The following DENND4C variants were observed in gnomAD, a reference collection of about 807,000 sequenced individuals.
The protein encoded by DENND4C is DENN domain containing 4C, also known as DENN domain-containing protein 4C.
A neutral mutation model predicts 203.0 loss-of-function variants in DENND4C; 108 were observed. The ratio of observed to expected loss-of-function variants is 0.53; its 90% CI spans 0.46 to 0.62. DENND4C has a LOEUF of 0.62. DENND4C is among the 20% of genes least tolerant of loss of function. The pLI is 0.00. For synonymous variants in DENND4C, 871 were observed against 792.4 expected, an observed-to-expected ratio of 1.10 and a Z score of -1.67; for missense variants, 2,481 against 2,301.2, an observed-to-expected ratio of 1.08 and a Z score of -1.60.
intron 15 of DENND4C, 121 bp from the exon 16 acceptor site, chr9:19,327,909 A>G (rs1818162685): frequency 8.4e-6 from 8 of 947,658 alleles, no homozygotes; most frequent in Non-Finnish European, 1.0e-5. Flanking sequence ...TTTTTTCTAT[A>G]TAAGCATTTA....
At chr9:19,301,572 C>T (rs1838585278) in intron 9 of DENND4C, among the ~76,000 whole-genome samples, 1 of 152,178 alleles carries the variant, frequency 6.6e-6, no homozygotes, top group African/African-American at 2.4e-5. Context: ...TCCAAGTCAT[C>T]ACAGTTGTGT....
intron 1 of DENND4C, among the ~76,000 whole-genome samples, chr9:19,258,039 G>A (rs1828412249): frequency 2.6e-5 from 4 of 152,052 alleles, no homozygotes; most frequent in Admixed American, 2.6e-4. Context: ...GAACACTTGA[G>A]CCTGGGAGGT....
chr9:19,351,607 G>C (rs988508432), intron 24 of DENND4C, among the ~76,000 whole-genome samples: 4 of 152,018 alleles, frequency 2.6e-5, no homozygotes, highest in Non-Finnish European at 4.4e-5. Context: ...AGGAGTTCAA[G>C]ACCAGCCTGG....
At chr9:19,364,027 A>T (rs1035824565) in intron 30 of DENND4C, among the ~76,000 whole-genome samples, 2 of 152,092 alleles carry the variant, frequency 1.3e-5, no homozygotes, top group African/African-American at 4.8e-5. Context: ...AAAGAAAAAA[A>T]GGATAATGTG....
At chr9:19,340,932 T>C in intron 20 of DENND4C, 60 bp from the exon 21 acceptor site, 2 of 1,359,290 alleles carry the variant, frequency 1.5e-6, no homozygotes, top group Non-Finnish European at 1.9e-6. Flanking sequence ...TTGTGATTTT[T>C]ATATATGAAT....
rs1823004527 is a variant in DENND4C at position 19,346,817 on chromosome 9, T to C, written c.4048T>C (p.Ser1350Pro). Residue 1350 changes from serine to proline, a missense_variant, in exon 23 of 33, where the codon TCC becomes CCC. Physicochemically the swap from Ser to Pro is moderately conservative, Grantham distance 74. Around this residue, in one of 3 missense-constraint regions of DENND4C, gnomAD observed 2,289 missense variants for 2,113.3 expected, o/e 1.08. Coordinates refer to ENST00000434457, the MANE Select transcript of DENND4C (RefSeq NM_001330640.2). The stretch of plus-strand genomic sequence containing the variant: ...AAGTGAAAAGAGCTCACCTGCAGTG[T>C]CCAGGTCTAAAACTTTTACTGGGCG... The part of the protein sequence containing the change: ...PESEKSSPAV[S>P]RSKTFTGRFK... The C allele has an allele frequency of 1.1e-5, 17 of 1,614,192 alleles. No individual in the cohort carries two copies. Among genetic ancestry groups the C allele is most frequent in the African/African-American group, 6.7e-5 (5 of 75,042 alleles).
At chr9:19,336,961 G>T in intron 20 of DENND4C, 129 bp downstream of exon 20, 3 of 877,080 alleles carry the variant, frequency 3.4e-6, no homozygotes, top group Non-Finnish European at 5.1e-6. Flanking sequence ...GCTTACAAGA[G>T]AAACAATACG....
chr9:19,295,958 A>G (rs1461901720), intron 5 of DENND4C, 50 bp from the exon 6 acceptor site: 2 of 1,383,398 alleles, frequency 1.4e-6, no homozygotes, highest in African/African-American at 1.5e-5. Flanking sequence ...AGAGAAGTTA[A>G]TTTTTTCAAA....
chr9:19,351,578 G>A (rs1824124731), intron 24 of DENND4C, among the ~76,000 whole-genome samples: 1 of 152,032 alleles, frequency 6.6e-6, no homozygotes, highest in African/African-American at 2.4e-5. Context: ...GAGGCAAGGC[G>A]GGTGGATTGC....
At chr9:19,261,040 T>G (rs1251242678) in intron 1 of DENND4C, among the ~76,000 whole-genome samples, 1 of 152,170 alleles carries the variant, frequency 6.6e-6, no homozygotes, top group Admixed American at 6.5e-5. Context: ...TTTTTGTATA[T>G]GGTGAGAAAT....
intron 1 of DENND4C, among the ~76,000 whole-genome samples, chr9:19,234,328 T>A (rs922090857): frequency 1.3e-5 from 2 of 151,864 alleles, no homozygotes; most frequent in Admixed American, 1.3e-4. Flanking sequence ...CCTCCCAGGT[T>A]CAAGCGATTC....
chr9:19,248,638 C>T (rs1414986420), intron 1 of DENND4C, among the ~76,000 whole-genome samples: 1 of 152,140 alleles, frequency 6.6e-6, no homozygotes, highest in South Asian at 2.1e-4. Flanking sequence ...GATCTGCCCG[C>T]CTCAGCTTCC....
At chr9:19,314,847 C>T (rs1205927567) in intron 10 of DENND4C, among the ~76,000 whole-genome samples, 2 of 151,952 alleles carry the variant, frequency 1.3e-5, no homozygotes, top group Non-Finnish European at 2.9e-5. Context: ...AAAGGGCTTA[C>T]AACTGTAGCA....
Position 19,358,312 on chromosome 9 carries a change from T to A in DENND4C, c.5160+152T>A. On this transcript the variant is annotated intron_variant, in intron 28 of 32. Transcript: ENST00000434457. This position sits in a 1 kb window ranked among gnomAD's most constrained non-coding sequence, Gnocchi z 4.8. ...AAATAACTTTTTATTGTGGAGAATT[T>A]CAAATATGTACAAAAAGAAACAGTA... 1.6e-6 allele frequency: 1 copy of A among 622,126 alleles called. No individual in the cohort carries two copies. The highest frequency in any genetic ancestry group is 2.5e-6 in the Non-Finnish European group (1 of 399,382). The allele number at this position is 622,126 out of a possible 1,614,324, so 38.5% of individuals were successfully genotyped here.
chr9:19,290,741 A>G lies in DENND4C; in HGVS notation c.666A>G (p.Ser222=). Residue 222 remains serine, a synonymous_variant, in exon 5 of 33, where the codon TCA becomes TCG. Coordinates refer to ENST00000434457, the MANE Select transcript of DENND4C (RefSeq NM_001330640.2). The part of the protein sequence containing the change: ...IFRYPEEDYE[S]FPLSESDVPL... ...GATATCCAGAAGAGGACTATGAGTCATTTCCACTCTCAGAATCAGATGTAC... is the reference window on the plus strand; with the variant it reads ...GATATCCAGAAGAGGACTATGAGTCGTTTCCACTCTCAGAATCAGATGTAC... The G allele has an allele frequency of 6.4e-7, 1 of 1,565,556 alleles. No homozygotes were observed.
chr9:19,273,734 T>C (rs775002290), intron 1 of DENND4C, among the ~76,000 whole-genome samples: 1 of 151,476 alleles, frequency 6.6e-6, no homozygotes, highest in African/African-American at 2.5e-5. Flanking sequence ...CAGTACATAC[T>C]GATTAGAATG....
At chr9:19,285,094 C>G (rs1834918614) in intron 2 of DENND4C, among the ~76,000 whole-genome samples, 1 of 151,918 alleles carries the variant, frequency 6.6e-6, no homozygotes, top group Non-Finnish European at 1.5e-5. Context: ...TATTTTTTTC[C>G]AAATAACAAT....
chr9:19,245,207 G>A (rs889529626), intron 1 of DENND4C, among the ~76,000 whole-genome samples: 9 of 150,310 alleles, frequency 6.0e-5, no homozygotes, highest in Non-Finnish European at 1.5e-5. Flanking sequence ...GGTGGCTCAC[G>A]CCTGTAATCC....
At position 19,288,578 on chromosome 9, in the gene DENND4C, C is replaced by G; in HGVS notation, c.559-18C>G. 2 of 1,227,386 alleles carry G rather than the reference C, an allele frequency of 1.6e-6. No individual in the cohort carries two copies. The highest frequency in any genetic ancestry group is 2.0e-6 in the Non-Finnish European group (2 of 984,082). The allele number at this position is 1,227,386 out of a possible 1,614,324, so 76.0% of individuals were successfully genotyped here. A position where few individuals can be genotyped will look rare whatever the true frequency, so the allele number is the denominator to read the frequency against. On this transcript the variant is annotated intron_variant, in intron 3 of 32. Coordinates refer to ENST00000434457, the MANE Select transcript of DENND4C (RefSeq NM_001330640.2). ...TCACTCTTTTGTCTTTTTTATAAAC[C>G]TAATTCATGTTTTACAGTGGGGTTC...
Sources: gnomAD v4.1 joint callset for allele counts (sites outside exome capture counted in the v4.1 genomes callset) on GRCh38, gnomAD v4.1.1 for gene constraint, gnomAD v4.1.1 regional missense constraint, Gnocchi (gnomAD v3.1) non-coding constraint, MANE v1.5 for transcripts, NCBI Gene and HGNC (gene_info 2026-07-23, HGNC 2026-07-21) for gene names.